Variants in KIAA0825 observed in about 807,000 individuals in gnomAD.
KIAA0825 encodes uncharacterized protein KIAA0825.
In KIAA0825, 119 loss-of-function variants were observed where a neutral mutation model predicts 147.6. The observed-to-expected ratio is 0.81, with a 90% CI of 0.69 to 0.94. The LOEUF (loss-of-function observed/expected upper bound fraction) is 0.94. Ranked by LOEUF, KIAA0825 falls within the 40% of genes least tolerant of loss-of-function variation. The pLI is 0.00. For synonymous variants in KIAA0825, 470 were observed against 518.1 expected, an observed-to-expected ratio of 0.91 and a Z score of 1.26; for missense variants, 1,381 against 1,472.7, an observed-to-expected ratio of 0.94 and a Z score of 1.02.
At chr5:94,519,827 T>C (rs1326842265) in intron 5 of KIAA0825, 2 of 696,116 alleles carry the variant, frequency 2.9e-6, no homozygotes, top group Non-Finnish European at 1.8e-6. Context: ...CTGTTATGTA[T>C]ATAACTAAAT....
rs982588678 is a variant in KIAA0825, at chr5:94,154,099, G to C, written c.3736C>G (p.Leu1246Val). Residue 1246 changes from leucine (L) to valine (V), a missense_variant, in exon 21 of 21, where the codon CTA becomes GTA. Transcript: ENST00000682413. ...AGTATTGCTTTTTCTTCCTCTTCTA[G>C]TGTTTCATCCTTCTTCATTTCCCAC... is the stretch of plus-strand genomic sequence containing the variant. Reference protein sequence around the residue: ...NRWEMKKDETLEEEEKAILEH... With the variant: ...NRWEMKKDETVEEEEKAILEH... 4 of 1,551,148 alleles carry C rather than the reference G, an allele frequency of 2.6e-6. No homozygotes were observed. The African/African-American group carries it at 5.5e-5, about 21-fold the overall frequency.
intron 20 of KIAA0825, among the ~76,000 whole-genome samples, chr5:94,196,530 G>A (rs1046181809): frequency 1.3e-5 from 2 of 151,386 alleles, no homozygotes; most frequent in Admixed American, 1.3e-4. Flanking sequence ...TAAATAGAAT[G>A]TCATGGGGGT....
At chr5:94,563,203 A>AC (rs1221701560) in intron 2 of KIAA0825, among the ~76,000 whole-genome samples, 2 of 151,598 alleles carry the variant, frequency 1.3e-5, no homozygotes, top group African/African-American at 2.4e-5. Flanking sequence ...AACAAAAAAA[A>AC]AAAAATCAGC....
intron 2 of KIAA0825, among the ~76,000 whole-genome samples, chr5:94,579,205 C>T (rs1781625393): frequency 6.6e-6 from 1 of 152,160 alleles, no homozygotes; most frequent in Admixed American, 6.5e-5. Flanking sequence ...CAGGCGTGAG[C>T]CACTGCACCC....
At chr5:94,280,606 A>C (rs1004582957) in intron 20 of KIAA0825, among the ~76,000 whole-genome samples, 1 of 152,032 alleles carries the variant, frequency 6.6e-6, no homozygotes, top group Non-Finnish European at 1.5e-5. Flanking sequence ...CTCCTGGTAT[A>C]ATCTCCTTAT....
intron 20 of KIAA0825, among the ~76,000 whole-genome samples, chr5:94,349,272 C>A (rs902632594): frequency 2.0e-5 from 3 of 152,192 alleles, no homozygotes; most frequent in Non-Finnish European, 4.4e-5. Context: ...ATGCACCTAA[C>A]ACCATAGCTC....
At chr5:94,192,759 T>TC (rs1286798970) in intron 20 of KIAA0825, among the ~76,000 whole-genome samples, 5 of 152,162 alleles carry the variant, frequency 3.3e-5, no homozygotes, top group African/African-American at 1.2e-4. Context: ...GGGTATAGAA[T>TC]CTAGCCACAG....
chr5:94,535,034 T>A (rs1205277011), intron 3 of KIAA0825, among the ~76,000 whole-genome samples: 1 of 152,042 alleles, frequency 6.6e-6, no homozygotes, highest in African/African-American at 2.4e-5. Context: ...ATATGAAATA[T>A]CAATTATACA....
chr5:94,604,676 A>G (rs1437624243), intron 1 of KIAA0825, among the ~76,000 whole-genome samples: 3 of 152,246 alleles, frequency 2.0e-5, no homozygotes, highest in Non-Finnish European at 4.4e-5. Context: ...ATAAAGGCAG[A>G]AATCAAAAAG....
rs1056544992 is a variant in KIAA0825, at chr5:94,611,659, C to T, written c.-153+6841G>A. Reference sequence around the variant, plus strand: ...GATCCCAAAGTGCTGGGATTACAGGCATGAGGCTGGGCATGGTGCCTCATG... The same window carrying T: ...GATCCCAAAGTGCTGGGATTACAGGTATGAGGCTGGGCATGGTGCCTCATG... On this transcript the variant is annotated intron_variant, in intron 1 of 20. Transcript: ENST00000682413. 6.8e-5 allele frequency among the ~76,000 whole-genome samples: 10 copies of T among 147,266 alleles called. 1 individual carries two copies. The highest frequency in any genetic ancestry group is 6.0e-5 in the Non-Finnish European group (4 of 66,604).
At chr5:94,571,909 C>T (rs1024222509) in intron 2 of KIAA0825, among the ~76,000 whole-genome samples, 2 of 151,812 alleles carry the variant, frequency 1.3e-5, no homozygotes, top group African/African-American at 4.8e-5. Context: ...AGTTTTATAC[C>T]ATATGATACA....
chr5:94,603,691 C>T (rs371317942), intron 1 of KIAA0825, among the ~76,000 whole-genome samples: 2 of 152,090 alleles, frequency 1.3e-5, no homozygotes, highest in Non-Finnish European at 2.9e-5. Flanking sequence ...ATCTCACATG[C>T]GATGACACAC....
intron 20 of KIAA0825, among the ~76,000 whole-genome samples, chr5:94,187,074 G>A (rs1488167439): frequency 6.6e-6 from 1 of 152,180 alleles, no homozygotes; most frequent in Non-Finnish European, 1.5e-5. Flanking sequence ...ATAAAGGCAA[G>A]TTTGACACTG....
At chr5:94,450,583 C>G (rs1252734321) in intron 13 of KIAA0825, among the ~76,000 whole-genome samples, 2 of 151,828 alleles carry the variant, frequency 1.3e-5, no homozygotes, top group African/African-American at 4.8e-5. Context: ...TAAAATGAAC[C>G]CATTCCTGTA....
At chr5:94,513,491 G>C (rs1766788609) in intron 5 of KIAA0825, among the ~76,000 whole-genome samples, 1 of 152,076 alleles carries the variant, frequency 6.6e-6, no homozygotes, top group African/African-American at 2.4e-5. Context: ...AGTGCAGTTT[G>C]GTGTTTGCTA....
At chr5:94,489,204 CT>C (rs1405264812) in intron 5 of KIAA0825, among the ~76,000 whole-genome samples, 2 of 152,276 alleles carry the variant, frequency 1.3e-5, no homozygotes. Context: ...CCTAGACCTT[CT>C]CATTGAATTC....
At chr5:94,411,455 T>A (rs1052059034) in intron 15 of KIAA0825, among the ~76,000 whole-genome samples, 2 of 152,168 alleles carry the variant, frequency 1.3e-5, no homozygotes, top group Admixed American at 1.3e-4. Context: ...ATAGCCTTTT[T>A]AAAAAATGGT....
chr5:94,447,564 T>C (rs1757890929), intron 13 of KIAA0825, among the ~76,000 whole-genome samples: 1 of 152,160 alleles, frequency 6.6e-6, no homozygotes, highest in Non-Finnish European at 1.5e-5. Context: ...TTGTCTTAAA[T>C]GTCATTGCCT....
chr5:94,547,736 CA>C (rs144612994), intron 2 of KIAA0825, among the ~76,000 whole-genome samples: 17 of 127,640 alleles, frequency 1.3e-4, no homozygotes, highest in Admixed American at 2.4e-4. Flanking sequence ...GACTCCCTTT[CA>C]AAAAAAAAAA....
Sources: gnomAD v4.1 joint callset for allele counts (sites outside exome capture counted in the v4.1 genomes callset) on GRCh38, gnomAD v4.1.1 for gene constraint, MANE v1.5 for transcripts, NCBI Gene and HGNC (gene_info 2026-07-23, HGNC 2026-07-21) for gene names.